SYT9: variants seen among roughly 807,000 people sequenced by gnomAD.
SYT9 encodes the protein synaptotagmin-9.
A neutral mutation model predicts 48.4 loss-of-function variants in SYT9; 22 were observed. That is an observed-to-expected ratio of 0.45 (90% confidence interval 0.32 to 0.65). SYT9 has a LOEUF of 0.65. Among genes scored for constraint, SYT9 ranks in the 30% least tolerant of loss-of-function variants. The pLI, the probability that SYT9 is intolerant of heterozygous loss-of-function variation, is 0.03. For synonymous variants in SYT9, 265 were observed against 245.0 expected, an observed-to-expected ratio of 1.08 and a Z score of -0.76; for missense variants, 577 against 622.0, an observed-to-expected ratio of 0.93 and a Z score of 0.77.
intron 3 of SYT9, among the ~76,000 whole-genome samples, chr11:7,330,863 A>C (rs1486953320): frequency 2.0e-5 from 3 of 152,032 alleles, no homozygotes; most frequent in Admixed American, 6.6e-5. Context: ...CACCTGGCTA[A>C]TTTTTGTATT....
At chr11:7,296,640 C>T (rs935327615) in intron 1 of SYT9, among the ~76,000 whole-genome samples, 1 of 152,050 alleles carries the variant, frequency 6.6e-6, no homozygotes, top group African/African-American at 2.4e-5. Flanking sequence ...TTTAGTTTCA[C>T]AGGAATATTA....
In SYT9 at chr11:7,303,382, G is replaced by A. The variant is rs1229324963; in HGVS notation, c.489G>A (p.Ser163=). The part of the protein sequence containing the change: ...RVQRQVTEPT[S]SARHNSIRRQ... The stretch of plus-strand genomic sequence containing the variant: ...AGCGCCAAGTCACAGAGCCAACCTC[G>A]TCGGCCCGGTCAGTAATGCCTTCTC... The change falls in exon 2 of 7, where the codon TCG becomes TCA. Residue 163 remains serine (S), a synonymous_variant. Transcript: ENST00000318881. The A allele has an allele frequency of 2.5e-6, 4 of 1,605,534 alleles. No individual in the cohort carries two copies. The highest frequency in any genetic ancestry group is 1.3e-5 in the African/African-American group (1 of 74,772).
rs74051119 is a variant in SYT9 at position 7,347,601 on chromosome 11, G to A, written c.1044+33660G>A. 2.8e-3 allele frequency among the ~76,000 whole-genome samples: 433 copies of A among 152,278 alleles called. 4 individuals are homozygous for A. The highest frequency in any genetic ancestry group is 0.01 in the African/African-American group (417 of 41,558). On this transcript the variant is annotated intron_variant, in intron 3 of 6. Transcript: ENST00000318881. Reference sequence around the variant, plus strand: ...TTCAGGGATCTTGGGGCTGGCAGCTGTCAAATAAGCATGCTGTGGGAACTG... The same window carrying A: ...TTCAGGGATCTTGGGGCTGGCAGCTATCAAATAAGCATGCTGTGGGAACTG...
intron 3 of SYT9, among the ~76,000 whole-genome samples, chr11:7,353,729 T>A (rs1794032043): frequency 6.6e-6 from 1 of 152,200 alleles, no homozygotes; most frequent in Admixed American, 6.5e-5. Flanking sequence ...CTTTCCCTGT[T>A]TGAATTACTG....
At chr11:7,339,579 G>A (rs184341494) in intron 3 of SYT9, among the ~76,000 whole-genome samples, 123 of 152,170 alleles carry the variant, frequency 8.1e-4, no homozygotes, top group Admixed American at 1.9e-3. Context: ...TTTGCTTGTC[G>A]GAAAAGGATC....
intron 1 of SYT9, among the ~76,000 whole-genome samples, chr11:7,258,923 A>T (rs1848027582): frequency 6.6e-6 from 1 of 152,122 alleles, no homozygotes; most frequent in South Asian, 2.1e-4. Context: ...GTTCCTGGAC[A>T]AGTTATTTAA....
rs143405489 is a variant in SYT9 at position 7,399,203 on chromosome 11, A to G, written c.1045-16839A>G. Among the ~76,000 whole-genome samples the G allele has an allele frequency of 2.6e-5, 4 of 152,364 alleles. No individual in the cohort carries two copies. The East Asian group carries it at 7.7e-4, about 29-fold the overall frequency. ...ATATAAGTATGAAATGCCTTACAGA[A>G]GAGTATGGTGTTGGAATGAACACCA... On this transcript the variant is annotated intron_variant, in intron 3 of 6. Transcript: ENST00000318881.
intron 3 of SYT9, among the ~76,000 whole-genome samples, chr11:7,360,375 C>T (rs1187344266): frequency 6.6e-6 from 1 of 152,014 alleles, no homozygotes; most frequent in East Asian, 1.9e-4. Flanking sequence ...GTAGTTTTTT[C>T]CAATTCTGGG....
At chr11:7,318,716 A>G (rs183171641) in intron 3 of SYT9, among the ~76,000 whole-genome samples, 16 of 152,288 alleles carry the variant, frequency 1.1e-4, no homozygotes, top group Admixed American at 2.0e-4. Context: ...ATCGTATGCT[A>G]TAATCCAGTG....
chr11:7,252,289 T>C lies in SYT9; in HGVS notation c.103T>C (p.Tyr35His), dbSNP rs760024648. ...LEHDSCQDFI[Y>H]HLRDRARPRL... ...GCACGACAGCTGCCAGGATTTCATT[T>C]ACCACCTGCGGGACCGTGCCAGACC... The change falls in exon 1 of 7, where the codon TAC becomes CAC. Residue 35 changes from tyrosine (Y) to histidine (H), a missense_variant. Physicochemically the swap from Tyr to His is moderately conservative, Grantham distance 83 (BLOSUM62 2). Coordinates refer to ENST00000318881, the MANE Select transcript of SYT9 (RefSeq NM_175733.4). The surrounding 1 kb of genome is among the most constrained non-coding windows in gnomAD (Gnocchi z 6.3). 2 of 1,513,898 alleles carry C rather than the reference T, an allele frequency of 1.3e-6. No individual in the cohort carries two copies. 93.8% of individuals were successfully genotyped at this position (1,513,898 alleles called of 1,614,324 possible).
intron 1 of SYT9, among the ~76,000 whole-genome samples, chr11:7,295,719 A>G (rs1473792465): frequency 6.6e-6 from 1 of 152,136 alleles, no homozygotes; most frequent in African/African-American, 2.4e-5. Flanking sequence ...TCTTGGTATC[A>G]ATTTCTGTGT....
intron 1 of SYT9, among the ~76,000 whole-genome samples, chr11:7,286,506 C>T (rs1035708477): frequency 3.9e-5 from 6 of 152,208 alleles, no homozygotes; most frequent in African/African-American, 1.4e-4. Context: ...GCCTTGGAGA[C>T]ATTTTCCTCA....
intron 1 of SYT9, among the ~76,000 whole-genome samples, chr11:7,259,566 G>C (rs1166023153): frequency 6.6e-6 from 1 of 151,996 alleles, no homozygotes; most frequent in Non-Finnish European, 1.5e-5. Flanking sequence ...GTGAACAAAA[G>C]GTTGCTAATT....
At chr11:7,402,381 ACTT>A (rs1008535694) in intron 3 of SYT9, among the ~76,000 whole-genome samples, 14 of 152,078 alleles carry the variant, frequency 9.2e-5, no homozygotes, top group African/African-American at 3.1e-4. Context: ...TTATATTCTT[ACTT>A]CTTCTCTTTT....
intron 3 of SYT9, among the ~76,000 whole-genome samples, chr11:7,396,431 G>A (rs998736968): frequency 6.6e-6 from 1 of 152,132 alleles, no homozygotes; most frequent in South Asian, 2.1e-4. Flanking sequence ...GTTGTTTCTT[G>A]TATCAGTAGC....
intron 1 of SYT9, among the ~76,000 whole-genome samples, chr11:7,275,080 C>G (rs747923344): frequency 6.6e-6 from 1 of 151,860 alleles, no homozygotes. Flanking sequence ...TCTTGCACAC[C>G]AAGACTGCAC....
At chr11:7,335,913 G>A (rs964621846) in intron 3 of SYT9, among the ~76,000 whole-genome samples, 2 of 151,890 alleles carry the variant, frequency 1.3e-5, no homozygotes, top group African/African-American at 4.8e-5. Flanking sequence ...GCTCATTATC[G>A]CCACACTGCT....
chr11:7,445,500 T>C (rs1022182174), intron 6 of SYT9, among the ~76,000 whole-genome samples: 1 of 152,142 alleles, frequency 6.6e-6, no homozygotes, highest in Non-Finnish European at 1.5e-5. Flanking sequence ...TACCCTCTCA[T>C]GGCTCCAGCC....
intron 6 of SYT9, among the ~76,000 whole-genome samples, chr11:7,445,567 C>T (rs895052495): frequency 2.0e-5 from 3 of 152,240 alleles, no homozygotes; most frequent in African/African-American, 7.2e-5. Flanking sequence ...GCCTGTTCTC[C>T]TCCTACACTT....
Sources: gnomAD v4.1 joint callset for allele counts (sites outside exome capture counted in the v4.1 genomes callset) on GRCh38, gnomAD v4.1.1 for gene constraint, Gnocchi (gnomAD v3.1) non-coding constraint, MANE v1.5 for transcripts, NCBI Gene and HGNC (gene_info 2026-07-23, HGNC 2026-07-21) for gene names.